Variants in NHSL2 observed in about 807,000 individuals in gnomAD.
The protein encoded by NHSL2 is NHS-like protein 2.
NHSL2 carries 27 observed loss-of-function variants against 53.4 expected under a neutral mutation model. The observed-to-expected ratio is 0.51, with a 90% confidence interval of 0.37 to 0.70. The LOEUF is 0.70. Ranked by LOEUF, NHSL2 falls within the 30% of genes least tolerant of loss-of-function variation. The probability of loss-of-function intolerance (pLI) is 0.00; values close to 1 mark genes in which losing one functional copy is unlikely to be tolerated. For missense variants in NHSL2, 892 were observed against 980.1 expected (o/e 0.91, Z 1.20); for synonymous variants, 408 against 404.1 (o/e 1.01, Z -0.12).
chrX:71,925,950 G>A (rs768673166), intron 1 of NHSL2, among the ~76,000 whole-genome samples: 1 of 111,526 alleles, frequency 9.0e-6, no homozygotes, highest in Non-Finnish European at 1.9e-5. Flanking sequence ...CACTATCAGG[G>A]AGGAGATTTT....
chrX:72,048,137 T>C (rs1238740351), intron 1 of NHSL2, among the ~76,000 whole-genome samples: 1 of 110,018 alleles, frequency 9.1e-6, no homozygotes, highest in African/African-American at 3.3e-5. Flanking sequence ...GTGCCTACTA[T>C]ATGGCAGGCA....
chrX:72,140,872 T>C, intron 6 of NHSL2, 101 bp downstream of exon 6: 1 of 725,318 alleles, frequency 1.4e-6, no homozygotes, highest in Non-Finnish European at 2.0e-6. Context: ...ATAATTATCC[T>C]GATCCCAAGT....
chrX:72,110,217 C>T (rs375631375), intron 1 of NHSL2, among the ~76,000 whole-genome samples: 1 of 111,772 alleles, frequency 8.9e-6, no homozygotes, highest in African/African-American at 3.3e-5. Context: ...TCAGCACACA[C>T]ACCCCCGCTC....
intron 1 of NHSL2, among the ~76,000 whole-genome samples, chrX:72,064,662 A>G (rs2042417457): frequency 8.9e-6 from 1 of 111,811 alleles, no homozygotes. Flanking sequence ...GGTGGTAATG[A>G]TGAACCTTAA....
At chrX:71,939,949 G>C (rs1035880721) in intron 1 of NHSL2, among the ~76,000 whole-genome samples, 4 of 111,881 alleles carry the variant, frequency 3.6e-5, no homozygotes, top group African/African-American at 1.3e-4. Flanking sequence ...AGGCTCAGGA[G>C]ATATTTGGCT....
At chrX:72,129,761 A>C in intron 1 of NHSL2, 1 of 1,020,824 alleles carries the variant, frequency 9.8e-7, no homozygotes, top group Non-Finnish European at 1.3e-6. Context: ...TGGGGCAGGT[A>C]TGGCAGCAAT....
At chrX:72,021,281 A>G (rs1032928371) in intron 1 of NHSL2, among the ~76,000 whole-genome samples, 4 of 111,733 alleles carry the variant, frequency 3.6e-5, no homozygotes, top group Non-Finnish European at 7.5e-5. Context: ...CTCTGCCTCT[A>G]TTTTCTTATT....
rs183477444 is a variant in NHSL2, at chrX:71,930,213, C to A, written c.280+18846C>A. 7.1e-5 allele frequency among the ~76,000 whole-genome samples: 8 copies of A among 111,891 alleles called. No homozygotes were observed. In the East Asian group the frequency reaches 2.0e-3, roughly 28 times the overall value. On this transcript the variant is annotated intron_variant, in intron 1 of 7. Transcript: ENST00000633930. The stretch of plus-strand genomic sequence containing the variant: ...TTACCTCACCTCCCACCCGTTTCAC[C>A]GGGTCTACTTCAGCTGTGCTGGCCT...
intron 1 of NHSL2, among the ~76,000 whole-genome samples, chrX:71,973,770 A>C (rs1037612997): frequency 8.9e-6 from 1 of 111,787 alleles, no homozygotes; most frequent in Non-Finnish European, 1.9e-5. Flanking sequence ...CTGCCCTACA[A>C]GCTGGGACTG....
At chrX:72,025,213 TA>T (rs1181437936) in intron 1 of NHSL2, among the ~76,000 whole-genome samples, 1 of 112,235 alleles carries the variant, frequency 8.9e-6, no homozygotes, top group Non-Finnish European at 1.9e-5. Context: ...AAAAATAAAA[TA>T]AAACTTTAAA....
intron 1 of NHSL2, among the ~76,000 whole-genome samples, chrX:72,095,859 G>A (rs762573821): frequency 4.2e-4 from 47 of 111,553 alleles, no homozygotes; most frequent in Admixed American, 6.7e-4. Context: ...GGGTTATTCT[G>A]AGCATCAAAT....
At chrX:72,099,388 C>T (rs1349353118) in intron 1 of NHSL2, among the ~76,000 whole-genome samples, 7 of 78,017 alleles carry the variant, frequency 9.0e-5, no homozygotes, top group African/African-American at 3.1e-4. Context: ...TTTTTTGAGA[C>T]GGAGTCTCAC....
At chrX:71,933,925 A>C (rs1175803947) in intron 1 of NHSL2, among the ~76,000 whole-genome samples, 2 of 110,970 alleles carry the variant, frequency 1.8e-5, no homozygotes, top group Non-Finnish European at 3.8e-5. Context: ...CAACAGCTGG[A>C]CTCTGCATTG....
At chrX:71,945,504 G>A (rs1278420243) in intron 1 of NHSL2, among the ~76,000 whole-genome samples, 3 of 111,794 alleles carry the variant, frequency 2.7e-5, no homozygotes, top group Admixed American at 9.5e-5. Flanking sequence ...AACCCCTGCC[G>A]TTCATCATCC....
chrX:72,113,100 C>G (rs1483309094), intron 1 of NHSL2, among the ~76,000 whole-genome samples: 1 of 112,032 alleles, frequency 8.9e-6, no homozygotes, highest in Admixed American at 9.5e-5. Context: ...TGTGGGCTGC[C>G]TTTTCATTTT....
chrX:72,140,220 T>C lies in NHSL2; in HGVS notation c.2672T>C (p.Val891Ala), dbSNP rs1169732293. 4 of 1,208,411 alleles carry C rather than the reference T, an allele frequency of 3.3e-6. No individual in the cohort carries two copies. Among genetic ancestry groups the C allele is most frequent in the Non-Finnish European group, 4.5e-6 (4 of 894,571 alleles). The change falls in exon 6 of 8, where the codon GTT becomes GCT. Residue 891 changes from valine to alanine, a missense_variant. Physicochemically the swap from Val to Ala is moderately conservative, Grantham distance 64 (BLOSUM62 0). Coordinates refer to ENST00000633930, the MANE Select transcript of NHSL2 (RefSeq NM_001013627.3). ...AGCTTGGTCCACAAGCCACCATCTG[T>C]TCCTGAGGAGTATGCACTAACTTCA... ...PPSLVHKPPS[V>A]PEEYALTSPT...
intron 1 of NHSL2, among the ~76,000 whole-genome samples, chrX:72,066,733 G>A (rs764909386): frequency 8.9e-6 from 1 of 112,228 alleles, no homozygotes; most frequent in South Asian, 3.7e-4. Context: ...TGGCTAAGCT[G>A]CCTCCCCTGT....
At chrX:71,970,629 C>CTTTT (rs147271370) in intron 1 of NHSL2, among the ~76,000 whole-genome samples, 1 of 93,100 alleles carries the variant, frequency 1.1e-5, no homozygotes, top group Admixed American at 1.2e-4. Flanking sequence ...TAATTTTGTT[C>CTTTT]TTTTTTTTTT....
chrX:72,069,357 C>G (rs1291329147), intron 1 of NHSL2, among the ~76,000 whole-genome samples: 1 of 101,551 alleles, frequency 9.8e-6, no homozygotes, highest in Admixed American at 1.1e-4. Flanking sequence ...CTGGGCTGCT[C>G]GACCCGAGTG....
Sources: allele counts gnomAD v4.1 joint callset (sites outside exome capture counted in the v4.1 genomes callset), GRCh38; gene constraint gnomAD v4.1.1; transcripts MANE v1.5; gene names NCBI Gene and HGNC (gene_info 2026-07-23, HGNC 2026-07-21).